Variants in DPP6 observed in about 807,000 individuals in gnomAD.
The protein encoded by DPP6 is dipeptidyl peptidase like 6, also known as A-type potassium channel modulatory protein DPP6.
In DPP6, 69 loss-of-function variants were observed where a neutral mutation model predicts 122.6. The ratio of observed to expected loss-of-function variants is 0.56; its 90% confidence interval spans 0.46 to 0.69. The LOEUF (loss-of-function observed/expected upper bound fraction) is 0.69. Among genes scored for constraint, DPP6 ranks in the 30% least tolerant of loss-of-function variants. DPP6 has a pLI of 0.00. For missense variants in DPP6, 928 were observed against 1,116.9 expected, an observed-to-expected ratio of 0.83 and a Z score of 2.41; for synonymous variants, 418 against 433.1, an observed-to-expected ratio of 0.97 and a Z score of 0.43.
chr7:153,985,069 C>T (rs1336088662), intron 1 of DPP6, among the ~76,000 whole-genome samples: 5 of 152,182 alleles, frequency 3.3e-5, no homozygotes, highest in Non-Finnish European at 5.9e-5. Context: ...AGATTAAGAT[C>T]CAGGCAGGTC....
At chr7:154,342,489 T>G (rs1810018268) in intron 1 of DPP6, among the ~76,000 whole-genome samples, 1 of 152,204 alleles carries the variant, frequency 6.6e-6, no homozygotes, top group Admixed American at 6.5e-5. Flanking sequence ...TATCCTCCTT[T>G]AGCTGCTGAG....
At chr7:154,355,532 C>G (rs1174451560) in intron 1 of DPP6, among the ~76,000 whole-genome samples, 1 of 152,068 alleles carries the variant, frequency 6.6e-6, no homozygotes, top group Admixed American at 6.5e-5. Flanking sequence ...TCCAGAATAT[C>G]TTTTTGAGTA....
intron 1 of DPP6, among the ~76,000 whole-genome samples, chr7:154,294,549 T>C (rs539836570): frequency 1.3e-5 from 2 of 152,168 alleles, no homozygotes; most frequent in Non-Finnish European, 2.9e-5. Flanking sequence ...TATTTCATGT[T>C]GAGAATAAAG....
chr7:154,672,575 C>T (rs1838633836), intron 7 of DPP6, among the ~76,000 whole-genome samples: 1 of 152,202 alleles, frequency 6.6e-6, no homozygotes, highest in Non-Finnish European at 1.5e-5. Context: ...AGAAATTTGA[C>T]TTCCTTTCTG....
chr7:154,639,617 T>C (rs1414497769), intron 6 of DPP6, among the ~76,000 whole-genome samples: 3 of 152,204 alleles, frequency 2.0e-5, no homozygotes, highest in African/African-American at 7.2e-5. Flanking sequence ...TCTAGGAACT[T>C]GGCACAGGAG....
Position 154,875,745 on chromosome 7 carries a change from G to T in DPP6, c.1884-161G>T, listed in dbSNP as rs896779406. Among the ~76,000 whole-genome samples, 4 of 152,156 alleles carry T rather than the reference G, an allele frequency of 2.6e-5. No homozygotes were observed. Among genetic ancestry groups the T allele is most frequent in the Non-Finnish European group, 5.9e-5 (4 of 68,022 alleles). ...CTTTATGGGGTGTGGATAACACCTG[G>T]CTCACCTGCCCGGGGCAACAGAATC... On this transcript the variant is annotated intron_variant, in intron 19 of 25. Coordinates refer to ENST00000377770, the MANE Select transcript of DPP6 (RefSeq NM_130797.4). The surrounding 1 kb of genome is among the most constrained non-coding windows in gnomAD (Gnocchi z 4.5).
chr7:154,425,304 G>A lies in DPP6; in HGVS notation c.244-20910G>A, dbSNP rs147782026. ...ACCCAACAACACTGCATAGAAATTA[G>A]ATACTCCTAAAGTGGATTTGAACCA... On this transcript the variant is annotated intron_variant, in intron 1 of 25. Coordinates refer to ENST00000377770, the MANE Select transcript of DPP6 (RefSeq NM_130797.4). 3.6e-3 allele frequency among the ~76,000 whole-genome samples: 547 copies of A among 152,284 alleles called. 2 individuals carry two copies. The highest frequency in any genetic ancestry group is 0.013 in the African/African-American group (523 of 41,560).
intron 5 of DPP6, among the ~76,000 whole-genome samples, chr7:154,620,728 T>G (rs1377668432): frequency 1.3e-5 from 2 of 152,272 alleles, no homozygotes; most frequent in Admixed American, 6.5e-5. Flanking sequence ...TAGCACATGC[T>G]TTTCCATTAG....
At position 154,892,432 on chromosome 7, in the gene DPP6, G is replaced by A. The variant is rs778855984; in HGVS notation, c.2550G>A (p.Gln850=). The stretch of plus-strand genomic sequence containing the variant: ...TCTTCGTGGAATGCTTCAGGATCCA[G>A]GACAAACTGCTGACAGTCACAGCGA... The part of the protein sequence containing the change: ...INFFVECFRI[Q]DKLLTVTAKE... The change falls in exon 26 of 26, where the codon CAG becomes CAA. Residue 850 remains glutamine (Q), a synonymous_variant. Transcript: ENST00000377770. The A allele has an allele frequency of 6.2e-7, 1 of 1,614,038 alleles. No homozygotes were observed. The highest frequency in any genetic ancestry group is 8.5e-7 in the Non-Finnish European group (1 of 1,179,902).
At chr7:154,087,599 C>G (rs1380427542) in intron 1 of DPP6, among the ~76,000 whole-genome samples, 27 of 152,172 alleles carry the variant, frequency 1.8e-4, no homozygotes, top group Non-Finnish European at 3.1e-4. Flanking sequence ...TTGTTCTTCT[C>G]TGGTGTTTCT....
At chr7:154,341,441 A>G (rs986326762) in intron 1 of DPP6, among the ~76,000 whole-genome samples, 9 of 151,998 alleles carry the variant, frequency 5.9e-5, no homozygotes, top group Admixed American at 2.0e-4. Flanking sequence ...TGCCTTTCTC[A>G]TACTCTGTAG....
intron 17 of DPP6, among the ~76,000 whole-genome samples, chr7:154,857,102 G>A (rs995669656): frequency 6.6e-6 from 1 of 152,164 alleles, no homozygotes; most frequent in African/African-American, 2.4e-5. Flanking sequence ...GCCCTAGCCT[G>A]TTTCTGCATT....
At chr7:154,653,089 C>A (rs537694051) in intron 6 of DPP6, among the ~76,000 whole-genome samples, 5 of 152,248 alleles carry the variant, frequency 3.3e-5, no homozygotes, top group African/African-American at 1.2e-4. Context: ...CTCTTGGCAA[C>A]ATTTTTTGTT....
At position 154,140,739 on chromosome 7, in the gene DPP6, T is replaced by A. The variant is rs199672893; in HGVS notation, c.243+87676T>A. 3.2e-3 allele frequency among the ~76,000 whole-genome samples: 481 copies of A among 152,308 alleles called. 2 individuals are homozygous for A. The highest frequency in any genetic ancestry group is 9.2e-3 in the African/African-American group (384 of 41,572). On this transcript the variant is annotated intron_variant, in intron 1 of 25. Transcript: ENST00000377770. ...TTAGAGTTTTAGAAACACTCAAAAA[T>A]TTTTTTAAGCCTCATTTCTAATAAT... is the stretch of plus-strand genomic sequence containing the variant.
chr7:153,938,841 T>C (rs186256263), intron 1 of DPP6, among the ~76,000 whole-genome samples: 2 of 152,320 alleles, frequency 1.3e-5, no homozygotes, highest in African/African-American at 4.8e-5. Context: ...CATTGCAGAG[T>C]GCACGGAATG....
chr7:154,616,918 A>C (rs1420965195), intron 5 of DPP6, among the ~76,000 whole-genome samples: 1 of 152,220 alleles, frequency 6.6e-6, no homozygotes, highest in African/African-American at 2.4e-5. Context: ...CCTCTAGCAA[A>C]GAAAAAACAA....
chr7:154,240,340 G>GA (rs1453019938), intron 1 of DPP6, among the ~76,000 whole-genome samples: 3 of 152,096 alleles, frequency 2.0e-5, no homozygotes, highest in Non-Finnish European at 2.9e-5. Flanking sequence ...CAGTAAGGAT[G>GA]AAAAAATCTG....
intron 18 of DPP6, among the ~76,000 whole-genome samples, chr7:154,868,891 T>C (rs959533335): frequency 6.6e-6 from 1 of 152,214 alleles, no homozygotes; most frequent in African/African-American, 2.4e-5. Flanking sequence ...CCTCTATGCA[T>C]AGCAGCCTTT....
intron 1 of DPP6, among the ~76,000 whole-genome samples, chr7:154,244,841 TAAAAC>T (rs1355947531): frequency 1.3e-5 from 2 of 152,010 alleles, no homozygotes; most frequent in East Asian, 1.9e-4. Flanking sequence ...ATAGGAAACT[TAAAAC>T]TAAACTTTTC....
Sources: allele counts gnomAD v4.1 joint callset (sites outside exome capture counted in the v4.1 genomes callset), GRCh38; gene constraint gnomAD v4.1.1; non-coding constraint Gnocchi (gnomAD v3.1); transcripts MANE v1.5; gene names NCBI Gene and HGNC (gene_info 2026-07-23, HGNC 2026-07-21).